AP3D1: variants seen among roughly 807,000 people sequenced by gnomAD.
AP3D1 encodes AP-3 complex subunit delta-1.
In AP3D1, 51 loss-of-function variants were observed where a neutral mutation model predicts 147.6. That is an observed-to-expected ratio of 0.35 (90% confidence interval 0.28 to 0.44). The LOEUF (loss-of-function observed/expected upper bound fraction) is 0.44, where lower values mean the gene tolerates loss of function less well. Ranked by LOEUF, AP3D1 falls within the 20% of genes least tolerant of loss-of-function variation. The probability of loss-of-function intolerance (pLI) is 1.00; values close to 1 mark genes in which losing one functional copy is unlikely to be tolerated. For missense variants in AP3D1, 1,421 were observed against 1,624.2 expected, an observed-to-expected ratio of 0.87 and a Z score of 2.15; for synonymous variants, 760 against 663.0, an observed-to-expected ratio of 1.15 and a Z score of -2.25.
At chr19:2,114,389 AGTGCG>A in intron 21 of AP3D1, 87 bp from the exon 22 acceptor site, 1 of 1,154,202 alleles carries the variant, frequency 8.7e-7, no homozygotes, top group Non-Finnish European at 1.3e-6. Context: ...AGCATGTGGC[AGTGCG>A]GGACCTGCTC....
intron 14 of AP3D1, 106 bp from the exon 15 acceptor site, chr19:2,118,938 G>A: frequency 9.3e-7 from 1 of 1,072,438 alleles, no homozygotes; most frequent in African/African-American, 1.6e-5. Flanking sequence ...AGGTGACTCT[G>A]GGCCCTTCCC....
intron 1 of AP3D1, among the ~76,000 whole-genome samples, chr19:2,141,282 G>C (rs2019212842): frequency 6.6e-6 from 1 of 152,030 alleles, no homozygotes; most frequent in Admixed American, 6.6e-5. Context: ...CAGCAAGTGA[G>C]ATACTAAAAC....
rs2145048101 is a variant in AP3D1 at position 2,116,751 on chromosome 19, A to G, written c.1860-5T>C. 1 of 1,606,032 alleles carries G rather than the reference A, an allele frequency of 6.2e-7. No individual in the cohort carries two copies. Among genetic ancestry groups the G allele is most frequent in the East Asian group, 2.2e-5 (1 of 44,764 alleles). On this transcript the variant is annotated splice_region_variant and splice_polypyrimidine_tract_variant and intron_variant, in intron 16 of 31. Coordinates refer to ENST00000643116, the MANE Select transcript of AP3D1 (RefSeq NM_001261826.3). ...ATCCAGGCGTCCAGGTCCAGGCTGCACCGGACAGGAGGGCCACACAAGGCA... is the reference window on the plus strand; with the variant it reads ...ATCCAGGCGTCCAGGTCCAGGCTGCGCCGGACAGGAGGGCCACACAAGGCA...
In AP3D1 at chr19:2,147,605, A is replaced by G. The variant is rs1254363638; in HGVS notation, c.96+3634T>C. ...AAAAAACAAAAAAGAAAAAAGAAAAAGAATATATGGGCTGGGCACAGTGGC... is the reference window on the plus strand; with the variant it reads ...AAAAAACAAAAAAGAAAAAAGAAAAGGAATATATGGGCTGGGCACAGTGGC... On this transcript the variant is annotated intron_variant, in intron 1 of 31. Coordinates refer to ENST00000643116, the MANE Select transcript of AP3D1 (RefSeq NM_001261826.3). 2.0e-5 allele frequency among the ~76,000 whole-genome samples: 3 copies of G among 151,408 alleles called. No homozygotes were observed. In the East Asian group the frequency reaches 5.8e-4, roughly 29 times the overall value.
intron 1 of AP3D1, among the ~76,000 whole-genome samples, chr19:2,162,123 C>G (rs2019710786): frequency 6.7e-6 from 1 of 148,862 alleles, no homozygotes; most frequent in Non-Finnish European, 1.5e-5. Context: ...GCAGCCTCTG[C>G]CTCCCGGACT....
chr19:2,144,607 T>C (rs1378167818), intron 1 of AP3D1, among the ~76,000 whole-genome samples: 2 of 152,118 alleles, frequency 1.3e-5, no homozygotes, highest in African/African-American at 2.4e-5. Context: ...ACGGTCACCA[T>C]TAAAACCCTC....
intron 26 of AP3D1, 61 bp downstream of exon 26, chr19:2,111,224 C>A: frequency 6.3e-7 from 1 of 1,599,496 alleles, no homozygotes; most frequent in South Asian, 1.1e-5. Context: ...GGGTTCCGCG[C>A]GATCCCATGC....
chr19:2,140,648 G>C (rs1046022657), intron 1 of AP3D1, among the ~76,000 whole-genome samples: 2 of 151,776 alleles, frequency 1.3e-5, no homozygotes, highest in African/African-American at 4.8e-5. Flanking sequence ...CCACTAGTCA[G>C]CTTTCTAGGA....
Position 2,115,267 on chromosome 19 carries a change from G to C in AP3D1, c.2301C>G (p.Asp767Glu), listed in dbSNP as rs1208532554. ...HSSLPTESDE[D>E]IAPAQQVDIV... ...TGTCCACCTGCTGGGCAGGGGCGAT[G>C]TCCTCGTCGCTCTCCGTGGGCAGCG... Residue 767 changes from aspartate (D) to glutamate (E), a missense_variant, in exon 20 of 32, where the codon GAC becomes GAG. This residue lies in a region of AP3D1 where 791 missense variants were observed against 761.4 expected (regional missense o/e 1.04). Transcript: ENST00000643116. 1 of 1,613,374 alleles carries C rather than the reference G, an allele frequency of 6.2e-7. No individual in the cohort carries two copies. Among genetic ancestry groups the C allele is most frequent in the African/African-American group, 1.3e-5 (1 of 74,942 alleles).
chr19:2,113,497 C>T, intron 22 of AP3D1, 84 bp from the exon 23 acceptor site: 1 of 812,498 alleles, frequency 1.2e-6, no homozygotes, highest in Non-Finnish European at 1.8e-6. Context: ...CAAGGAGGCC[C>T]CAGCTGCCCT....
intron 4 of AP3D1, among the ~76,000 whole-genome samples, chr19:2,135,099 G>A (rs553604330): frequency 1.3e-5 from 2 of 152,196 alleles, no homozygotes; most frequent in South Asian, 2.1e-4. Context: ...TACTTGGGAG[G>A]CTGACGCAGG....
At chr19:2,114,340 T>G in intron 21 of AP3D1, 38 bp from the exon 22 acceptor site, 1 of 1,561,290 alleles carries the variant, frequency 6.4e-7, no homozygotes, top group Non-Finnish European at 8.8e-7. Context: ...TCAGCACCAC[T>G]GGCCACCCCC....
In AP3D1 at chr19:2,121,284, C is replaced by A. The variant is rs769412492; in HGVS notation, c.1129G>T (p.Val377Leu). The A allele has an allele frequency of 1.2e-6, 2 of 1,614,180 alleles. No homozygotes were observed. The highest frequency in any genetic ancestry group is 1.7e-6 in the Non-Finnish European group (2 of 1,180,004). Residue 377 changes from valine (V) to leucine (L), a missense_variant, in exon 13 of 32, where the codon GTG becomes TTG. Val to Leu is a conservative substitution (Grantham distance 32). Transcript: ENST00000643116. ...TCTACGTGGGTCATCAGCTTCTTCA[C>A]GATCTCCATCAGGTTCTTCTTGGAC... ...MVSKKNLMEI[V>L]KKLMTHVDKA... is the part of the protein sequence containing the mutation.
At chr19:2,162,439 G>C (rs1366143466) in intron 1 of AP3D1, among the ~76,000 whole-genome samples, 1 of 150,336 alleles carries the variant, frequency 6.7e-6, no homozygotes. Flanking sequence ...CGGATCACTT[G>C]AGTTTGAGAT....
intron 29 of AP3D1, 134 bp downstream of exon 29, chr19:2,109,739 G>C: frequency 1.2e-6 from 1 of 846,704 alleles, no homozygotes. Flanking sequence ...ACCTGCACCA[G>C]TCACGAGCCA....
intron 8 of AP3D1, among the ~76,000 whole-genome samples, chr19:2,128,005 A>T (rs1326495705): frequency 1.3e-5 from 2 of 152,240 alleles, no homozygotes; most frequent in Non-Finnish European, 1.5e-5. Context: ...TACACTGCTC[A>T]CATGGTGAAA....
At chr19:2,126,731 C>T (rs566559374) in intron 9 of AP3D1, among the ~76,000 whole-genome samples, 26 of 150,608 alleles carry the variant, frequency 1.7e-4, no homozygotes, top group African/African-American at 5.6e-4. Flanking sequence ...ACGGGTGAAA[C>T]GATATGCTGT....
chr19:2,126,596 G>A (rs545962542), intron 9 of AP3D1, among the ~76,000 whole-genome samples: 1 of 146,118 alleles, frequency 6.8e-6, no homozygotes, highest in East Asian at 2.1e-4. Flanking sequence ...GGAGGTTGCA[G>A]TAAGCCAAGT....
chr19:2,149,510 T>A (rs1430177363), intron 1 of AP3D1, among the ~76,000 whole-genome samples: 4 of 140,778 alleles, frequency 2.8e-5, no homozygotes, highest in African/African-American at 1.1e-4. Flanking sequence ...GCCTCTGCAC[T>A]CCGGCCTGGG....
Sources: gnomAD v4.1 joint callset for allele counts (sites outside exome capture counted in the v4.1 genomes callset) on GRCh38, gnomAD v4.1.1 for gene constraint, gnomAD v4.1.1 regional missense constraint, MANE v1.5 for transcripts, NCBI Gene and HGNC (gene_info 2026-07-23, HGNC 2026-07-21) for gene names.